Variants in NPY observed in about 807,000 individuals in gnomAD.
The protein encoded by NPY is pro-neuropeptide Y.
In NPY, 11 loss-of-function variants were observed where a neutral mutation model predicts 13.2. That is an observed-to-expected ratio of 0.83 (90% CI 0.52 to 1.38). The LOEUF (loss-of-function observed/expected upper bound fraction) is 1.38, where lower values mean the gene tolerates loss of function less well. NPY is among the 40% of genes most tolerant of loss of function. The pLI is 0.00. For missense variants in NPY, 109 were observed against 125.1 expected (o/e 0.87, Z 0.61); for synonymous variants, 51 against 55.6 (o/e 0.92, Z 0.37).
chr7:24,285,726 G>A lies in NPY; in HGVS notation c.188+298G>A, dbSNP rs922352400. The stretch of plus-strand genomic sequence containing the variant: ...TCTTATGGTTTGTTGTGGTTCTTAC[G>A]GCAGTGGGGCCCGGTCCAGAAATCT... On this transcript the variant is annotated intron_variant, in intron 2 of 3. Coordinates refer to ENST00000242152, the MANE Select transcript of NPY (RefSeq NM_000905.4). The surrounding 1 kb of genome is among the most constrained non-coding windows in gnomAD (Gnocchi z 4.9). 6.6e-6 allele frequency among the ~76,000 whole-genome samples: 1 copy of A among 152,040 alleles called. No homozygotes were observed. The highest frequency in any genetic ancestry group is 1.5e-5 in the Non-Finnish European group (1 of 68,010).
rs1443227464 is a variant in NPY, at chr7:24,285,734, G to C, written c.188+306G>C. Among the ~76,000 whole-genome samples the C allele has an allele frequency of 6.6e-6, 1 of 152,016 alleles. No individual in the cohort carries two copies. The highest frequency in any genetic ancestry group is 1.5e-5 in the Non-Finnish European group (1 of 68,022). ...TTTGTTGTGGTTCTTACGGCAGTGG[G>C]GCCCGGTCCAGAAATCTCGAAAGTA... On this transcript the variant is annotated intron_variant, in intron 2 of 3. Transcript: ENST00000242152. This position sits in a 1 kb window ranked among gnomAD's most constrained non-coding sequence, Gnocchi z 4.9.
At chr7:24,288,231 G>A (rs1281203556) in intron 2 of NPY, among the ~76,000 whole-genome samples, 1 of 152,142 alleles carries the variant, frequency 6.6e-6, no homozygotes, top group Non-Finnish European at 1.5e-5. Flanking sequence ...TAAAACCAAT[G>A]GATGGACAGA....
chr7:24,291,783 C>A lies in NPY; in HGVS notation c.*96C>A. ...CACCCATCCTACCAATGCATGCAGC[C>A]ACTGTGCTGAATTCTGCAATGTTTT... On this transcript the variant is annotated 3_prime_UTR_variant, in exon 4 of 4. Coordinates refer to ENST00000242152, the MANE Select transcript of NPY (RefSeq NM_000905.4). The A allele has an allele frequency of 1.5e-6, 2 of 1,357,654 alleles. No homozygotes were observed. Among genetic ancestry groups the A allele is most frequent in the South Asian group, 2.4e-5 (2 of 84,662 alleles). 84.1% of individuals were successfully genotyped at this position (1,357,654 alleles called of 1,614,324 possible).
chr7:24,290,533 G>A (rs1583576617), intron 3 of NPY, among the ~76,000 whole-genome samples: 1 of 151,998 alleles, frequency 6.6e-6, no homozygotes, highest in East Asian at 1.9e-4. Context: ...TGACCCGCTG[G>A]GCCACCCACC....
chr7:24,284,634 G>A (rs978013128), intron 1 of NPY, among the ~76,000 whole-genome samples: 2 of 152,180 alleles, frequency 1.3e-5, no homozygotes, highest in African/African-American at 2.4e-5. Context: ...GCGGTGCGCG[G>A]TAGGAAGGTT....
chr7:24,289,043 C>T (rs1197591410), intron 2 of NPY, among the ~76,000 whole-genome samples: 1 of 151,978 alleles, frequency 6.6e-6, no homozygotes, highest in East Asian at 1.9e-4. Context: ...TTTTCTAGGA[C>T]TGTCTTTGAA....
chr7:24,289,004 G>T (rs994245938), intron 2 of NPY, among the ~76,000 whole-genome samples: 1 of 152,114 alleles, frequency 6.6e-6, no homozygotes, highest in South Asian at 2.1e-4. Flanking sequence ...GACACAGGTG[G>T]GTCTTGGACG....
At chr7:24,288,651 CTGTA>C (rs1787478889) in intron 2 of NPY, among the ~76,000 whole-genome samples, 1 of 139,830 alleles carries the variant, frequency 7.2e-6, no homozygotes, top group African/African-American at 2.6e-5. Context: ...GAAACCTTAC[CTGTA>C]TGTATTGTCT....
At chr7:24,287,777 C>A (rs533357480) in intron 2 of NPY, among the ~76,000 whole-genome samples, 58 of 152,204 alleles carry the variant, frequency 3.8e-4, no homozygotes, top group African/African-American at 1.3e-3. Flanking sequence ...ATAGCCAGTC[C>A]CAGAGAAACT....
At position 24,285,153 on chromosome 7, in the gene NPY, G is replaced by A; in HGVS notation, c.1-88G>A. The A allele has an allele frequency of 1.4e-6, 2 of 1,381,974 alleles. No homozygotes were observed. Among genetic ancestry groups the A allele is most frequent in the Non-Finnish European group, 2.0e-6 (2 of 980,506 alleles). 85.6% of individuals were successfully genotyped at this position (1,381,974 alleles called of 1,614,324 possible). A position where few individuals can be genotyped will look rare whatever the true frequency, so the allele number is the denominator to read the frequency against. On this transcript the variant is annotated intron_variant, in intron 1 of 3. Transcript: ENST00000242152. This position sits in a 1 kb window ranked among gnomAD's most constrained non-coding sequence, Gnocchi z 4.9. ...TTGGGGGTCGCGTGTGGTAGCAGGA[G>A]GAGGAGCGCGGGGGGCAGAGGAGGG...
At chr7:24,284,779 A>T in intron 1 of NPY, 1 of 177,326 alleles carries the variant, frequency 5.6e-6, no homozygotes. Flanking sequence ...CCCCTTCCCC[A>T]CCGCAGTCGT....
At chr7:24,284,637 G>T (rs1396057031) in intron 1 of NPY, among the ~76,000 whole-genome samples, 1 of 152,178 alleles carries the variant, frequency 6.6e-6, no homozygotes, top group Non-Finnish European at 1.5e-5. Flanking sequence ...GTGCGCGGTA[G>T]GAAGGTTTCC....
chr7:24,286,707 C>T (rs1198057690), intron 2 of NPY, among the ~76,000 whole-genome samples: 2 of 151,988 alleles, frequency 1.3e-5, no homozygotes, highest in Non-Finnish European at 2.9e-5. Context: ...GTTTGTGATC[C>T]CTTGAAATCT....
Position 24,285,867 on chromosome 7 carries a change from A to G in NPY, c.188+439A>G, listed in dbSNP as rs1329015001. ...ACCAAAGAAAACCAAACCAAGGAGT[A>G]AACTGCAGGGTTGCCACAGACATTG... On this transcript the variant is annotated intron_variant, in intron 2 of 3. Transcript: ENST00000242152. The surrounding 1 kb of genome is among the most constrained non-coding windows in gnomAD (Gnocchi z 4.9). Among the ~76,000 whole-genome samples the G allele has an allele frequency of 6.6e-6, 1 of 152,220 alleles. No individual in the cohort carries two copies. Among genetic ancestry groups the G allele is most frequent in the Admixed American group, 6.5e-5 (1 of 15,286 alleles).
Position 24,285,196 on chromosome 7 carries a change from G to A in NPY, c.1-45G>A. ...GAGGAGGGAGGTGCTGCGCGTGGGTGCTCTGAATCCCCAAGCCCGTCCGTT... is the reference window on the plus strand; with the variant it reads ...GAGGAGGGAGGTGCTGCGCGTGGGTACTCTGAATCCCCAAGCCCGTCCGTT... On this transcript the variant is annotated intron_variant, in intron 1 of 3. Coordinates refer to ENST00000242152, the MANE Select transcript of NPY (RefSeq NM_000905.4). This position sits in a 1 kb window ranked among gnomAD's most constrained non-coding sequence, Gnocchi z 4.9. 6.2e-7 allele frequency: 1 copy of A among 1,601,916 alleles called. No homozygotes were observed. The highest frequency in any genetic ancestry group is 8.5e-7 in the Non-Finnish European group (1 of 1,169,608).
At chr7:24,289,748 A>C (rs529815914) in intron 3 of NPY, among the ~76,000 whole-genome samples, 169 bp downstream of exon 3, 1 of 152,050 alleles carries the variant, frequency 6.6e-6, no homozygotes, top group Admixed American at 6.5e-5. Flanking sequence ...CTTTTCATGT[A>C]CTCATTGTCA....
Position 24,285,373 on chromosome 7 carries a change from A to G in NPY, c.133A>G (p.Met45Val), listed in dbSNP as rs368302969. Reference protein sequence around the residue: ...NPGEDAPAEDMARYYSALRHY... With the variant: ...NPGEDAPAEDVARYYSALRHY... ...GGGCGAGGACGCACCAGCGGAGGAC[A>G]TGGCCAGATACTACTCGGCGCTGCG... The change falls in exon 2 of 4, where the codon ATG becomes GTG. Residue 45 changes from methionine to valine, a missense_variant. Met to Val is a conservative substitution (Grantham distance 21). Transcript: ENST00000242152. This position sits in a 1 kb window ranked among gnomAD's most constrained non-coding sequence, Gnocchi z 4.9. The G allele has an allele frequency of 6.2e-7, 1 of 1,614,034 alleles. No homozygotes were observed. The highest frequency in any genetic ancestry group is 1.7e-4 in the Middle Eastern group (1 of 6,056).
At chr7:24,290,759 A>AAATAATAATAATAATAAT (rs747171869) in intron 3 of NPY, among the ~76,000 whole-genome samples, 3 of 133,112 alleles carry the variant, frequency 2.3e-5, no homozygotes, top group South Asian at 5.1e-4. Flanking sequence ...TTTTTTAATT[A>AAATAATAATAATAATAAT]AATAATAATA....
chr7:24,286,821 G>A (rs911149089), intron 2 of NPY, among the ~76,000 whole-genome samples: 1 of 152,180 alleles, frequency 6.6e-6, no homozygotes, highest in East Asian at 1.9e-4. Flanking sequence ...GCAGATCAAA[G>A]AGAACTTGTA....
Sources: allele counts gnomAD v4.1 joint callset (sites outside exome capture counted in the v4.1 genomes callset), GRCh38; gene constraint gnomAD v4.1.1; non-coding constraint Gnocchi (gnomAD v3.1); transcripts MANE v1.5; gene names NCBI Gene and HGNC (gene_info 2026-07-23, HGNC 2026-07-21).